C5orf47: variants seen among roughly 807,000 people sequenced by gnomAD.
C5orf47 encodes chromosome 5 open reading frame 47, also known as uncharacterized protein C5orf47.
A neutral mutation model predicts 20.6 loss-of-function variants in C5orf47; 20 were observed. The observed-to-expected ratio is 0.97, with a 90% CI of 0.68 to 1.41. C5orf47 has a LOEUF of 1.41. Among genes scored for constraint, C5orf47 ranks in the 40% most tolerant of loss-of-function variants. The pLI is 0.00. For missense variants in C5orf47, 262 were observed against 238.4 expected, an observed-to-expected ratio of 1.10 and a Z score of -0.65; for synonymous variants, 106 against 97.3, an observed-to-expected ratio of 1.09 and a Z score of -0.53.
At chr5:173,997,613 T>C (rs1759121506) in intron 1 of C5orf47, among the ~76,000 whole-genome samples, 1 of 152,130 alleles carries the variant, frequency 6.6e-6, no homozygotes, top group South Asian at 2.1e-4. Context: ...CTCAGATCCA[T>C]GCTGTGTGTT....
At chr5:173,993,663 A>C (rs1296425762) in intron 1 of C5orf47, among the ~76,000 whole-genome samples, 2 of 152,160 alleles carry the variant, frequency 1.3e-5, no homozygotes, top group African/African-American at 2.4e-5. Flanking sequence ...GAAAAAAGAA[A>C]AGTGATAGGG....
At chr5:174,002,498 G>A (rs1408640832) in intron 4 of C5orf47, among the ~76,000 whole-genome samples, 6 of 152,118 alleles carry the variant, frequency 3.9e-5, no homozygotes, top group South Asian at 2.1e-4. Flanking sequence ...GATTTCAAAT[G>A]TACAGAAAGA....
chr5:173,992,725 GATTTAAA>G (rs1186207364), intron 1 of C5orf47, among the ~76,000 whole-genome samples: 1 of 152,100 alleles, frequency 6.6e-6, no homozygotes, highest in African/African-American at 2.4e-5. Context: ...TTGCTTAATA[GATTTAAA>G]ATTTAAGTTT....
downstream of C5orf47, among the ~76,000 whole-genome samples, chr5:174,008,132 G>A (rs1332287896): frequency 2.0e-5 from 3 of 152,166 alleles, no homozygotes; most frequent in African/African-American, 7.2e-5. Context: ...GGGTTCCAGT[G>A]GCCATGGGTA....
intron 3 of C5orf47, 120 bp from the exon 4 acceptor site, chr5:174,001,076 A>C: frequency 1.4e-6 from 1 of 701,670 alleles, no homozygotes; most frequent in Non-Finnish European, 2.5e-6. Context: ...CTTCTTTATA[A>C]AACTAATAAT....
At position 174,005,909 on chromosome 5, in the gene C5orf47, C is replaced by A. The variant is rs1759284928; in HGVS notation, c.*1655C>A. 6.6e-6 allele frequency: 1 copy of A among 152,200 alleles called. No homozygotes were observed. Among genetic ancestry groups the A allele is most frequent in the African/African-American group, 2.4e-5 (1 of 41,398 alleles). 9.4% of individuals were successfully genotyped at this position (152,200 alleles called of 1,614,324 possible). A position where few individuals can be genotyped will look rare whatever the true frequency, so the allele number is the denominator to read the frequency against. On this transcript the variant is annotated 3_prime_UTR_variant, in exon 5 of 5. Transcript: ENST00000340147. Reference sequence around the variant, plus strand: ...CTAGAACCATGGAGGAATGAAGACTCCCACTGAAATGAATGTTCTAAATAT... The same window carrying A: ...CTAGAACCATGGAGGAATGAAGACTACCACTGAAATGAATGTTCTAAATAT...
chr5:174,003,312 T>G (rs768629546), intron 4 of C5orf47, among the ~76,000 whole-genome samples: 4 of 152,052 alleles, frequency 2.6e-5, no homozygotes, highest in Non-Finnish European at 2.9e-5. Flanking sequence ...GGGATTGTAA[T>G]AGCATCCAAG....
At chr5:174,002,606 C>A (rs746733528) in intron 4 of C5orf47, among the ~76,000 whole-genome samples, 1 of 152,056 alleles carries the variant, frequency 6.6e-6, no homozygotes, top group Admixed American at 6.5e-5. Flanking sequence ...TCTTCTCTCT[C>A]TGTGTGTAAA....
At chr5:173,996,342 T>G (rs1396461972) in intron 1 of C5orf47, among the ~76,000 whole-genome samples, 1 of 152,116 alleles carries the variant, frequency 6.6e-6, no homozygotes, top group Non-Finnish European at 1.5e-5. Context: ...ACAAAATGAG[T>G]GGAAGAAATA....
Position 173,989,240 on chromosome 5 carries a change from C to G in C5orf47, c.-24C>G, listed in dbSNP as rs998704643. ...TGTGGCGTCGTGTTTGCTGAGGGCCCGGCTGCCGTTGACTGAGGCTGCGAT... is the reference window on the plus strand; with the variant it reads ...TGTGGCGTCGTGTTTGCTGAGGGCCGGGCTGCCGTTGACTGAGGCTGCGAT... On this transcript the variant is annotated 5_prime_UTR_variant, in exon 1 of 5. Transcript: ENST00000340147. 5 of 1,373,338 alleles carry G rather than the reference C, an allele frequency of 3.6e-6. No individual in the cohort carries two copies. The highest frequency in any genetic ancestry group is 3.1e-5 in the African/African-American group (2 of 65,508). The allele number at this position is 1,373,338 out of a possible 1,614,324, so 85.1% of individuals were successfully genotyped here. A position where few individuals can be genotyped will look rare whatever the true frequency, so the allele number is the denominator to read the frequency against.
chr5:173,989,327 G>T lies in C5orf47; in HGVS notation c.64G>T (p.Gly22Cys). The T allele has an allele frequency of 7.0e-7, 1 of 1,426,774 alleles. No homozygotes were observed. Among genetic ancestry groups the T allele is most frequent in the Non-Finnish European group, 9.2e-7 (1 of 1,084,222 alleles). The allele number at this position is 1,426,774 out of a possible 1,614,324, so 88.4% of individuals were successfully genotyped here. ...GCGCTTCGTCTATGTGACGCGCTTC[G>T]GCTCGCATCAGTGCAGTGGCGTCCT... is the stretch of plus-strand genomic sequence containing the variant. ...SARFVYVTRF[G>C]SHQCSGVLQL... Residue 22 changes from glycine to cysteine, a missense_variant, in exon 1 of 5, where the codon GGC becomes TGC. Coordinates refer to ENST00000340147, the MANE Select transcript of C5orf47 (RefSeq NM_001144954.2).
chr5:174,008,694 C>T (rs1263061240), downstream of C5orf47, among the ~76,000 whole-genome samples: 2 of 151,250 alleles, frequency 1.3e-5, no homozygotes, highest in Non-Finnish European at 2.9e-5. Flanking sequence ...TAGCCGGGCT[C>T]GGTGGCGGGC....
intron 1 of C5orf47, among the ~76,000 whole-genome samples, chr5:173,993,868 G>C (rs1008091181): frequency 5.3e-5 from 8 of 152,168 alleles, no homozygotes; most frequent in African/African-American, 1.7e-4. Flanking sequence ...ATTTTAACTA[G>C]GCTCAAGCAC....
chr5:173,996,816 C>T (rs1759107067), intron 1 of C5orf47, among the ~76,000 whole-genome samples: 1 of 152,030 alleles, frequency 6.6e-6, no homozygotes, highest in Non-Finnish European at 1.5e-5. Context: ...TGTCTGTGGT[C>T]ACGAAGGGAG....
At chr5:174,008,822 C>CAAAAAAAAA (rs57488841), downstream of C5orf47, among the ~76,000 whole-genome samples, 1 of 75,482 alleles carries the variant, frequency 1.3e-5, no homozygotes, top group Non-Finnish European at 3.1e-5. Context: ...GACTCCATCT[C>CAAAAAAAAA]AAAAAAAAAA....
intron 1 of C5orf47, among the ~76,000 whole-genome samples, chr5:173,992,479 C>T (rs1372906433): frequency 2.0e-5 from 3 of 152,090 alleles, no homozygotes; most frequent in Non-Finnish European, 4.4e-5. Context: ...TCATTAATTT[C>T]TGCTTTTAAT....
intron 1 of C5orf47, among the ~76,000 whole-genome samples, chr5:173,991,802 A>G (rs1402946916): frequency 6.6e-6 from 1 of 152,196 alleles, no homozygotes; most frequent in Non-Finnish European, 1.5e-5. Flanking sequence ...TTTAGGTATC[A>G]GAGCTGTGTT....
rs916543170 is a variant in C5orf47 at position 173,989,544 on chromosome 5, G to A, written c.281G>A (p.Arg94Gln). 53 of 1,518,056 alleles carry A rather than the reference G, an allele frequency of 3.5e-5. 1 individual carries two copies. The Admixed American group carries it at 9.0e-4, about 26-fold the overall frequency. The allele number at this position is 1,518,056 out of a possible 1,614,324, so 94.0% of individuals were successfully genotyped here. The change falls in exon 1 of 5, where the codon CGG becomes CAG. Residue 94 changes from arginine (R) to glutamine (Q), a missense_variant. Physicochemically the swap from Arg to Gln is conservative, Grantham distance 43. Coordinates refer to ENST00000340147, the MANE Select transcript of C5orf47 (RefSeq NM_001144954.2). ...GCGGCCTCTGCCTCCTCCCAGCTGC[G>A]GGCATCGAGAGTTCAGAGCGGCACC... ...EAAASASSQLRASRVQSGTRQ... is the reference protein window; with the variant it reads ...EAAASASSQLQASRVQSGTRQ...
At chr5:173,992,810 T>C (rs1328118276) in intron 1 of C5orf47, among the ~76,000 whole-genome samples, 1 of 152,152 alleles carries the variant, frequency 6.6e-6, no homozygotes, top group African/African-American at 2.4e-5. Context: ...GATCAGAGAG[T>C]ATTGTTTGTG....
Sources: allele counts gnomAD v4.1 joint callset (sites outside exome capture counted in the v4.1 genomes callset), GRCh38; gene constraint gnomAD v4.1.1; transcripts MANE v1.5; gene names NCBI Gene and HGNC (gene_info 2026-07-23, HGNC 2026-07-21).